RBPJ: variants seen among roughly 807,000 people sequenced by gnomAD.
RBPJ encodes the protein recombination signal binding protein for immunoglobulin kappa J region, also known as recombining binding protein suppressor of hairless.
A neutral mutation model predicts 67.8 loss-of-function variants in RBPJ; 9 were observed. The ratio of observed to expected loss-of-function variants is 0.13; its 90% CI spans 0.08 to 0.23. The LOEUF is 0.23. Ranked by LOEUF, RBPJ falls within the 10% of genes least tolerant of loss-of-function variation. RBPJ has a pLI of 1.00. For missense variants in RBPJ, 305 were observed against 595.6 expected, an observed-to-expected ratio of 0.51 and a Z score of 5.08; for synonymous variants, 198 against 203.3, an observed-to-expected ratio of 0.97 and a Z score of 0.22.
the RBPJ span, among the ~76,000 whole-genome samples, chr4:26,115,428 A>C: frequency 7.9e-4 from 120 of 151,682 alleles, no homozygotes; most frequent in African/African-American, 2.9e-3. Flanking sequence ...TCTGCAGCCC[A>C]GGCTGGAGTG....
chr4:26,246,472 T>A (rs921083155), intron 1 of RBPJ, among the ~76,000 whole-genome samples: 1 of 152,196 alleles, frequency 6.6e-6, no homozygotes, highest in African/African-American at 2.4e-5. Context: ...GAAGATATAA[T>A]TCACATTCCA....
intron 1 of RBPJ, among the ~76,000 whole-genome samples, chr4:26,244,792 A>C (rs1719871933): frequency 6.6e-6 from 1 of 151,768 alleles, no homozygotes; most frequent in South Asian, 2.1e-4. Flanking sequence ...AGGCCCACAC[A>C]CCCGGCTAAT....
chr4:26,401,339 G>A lies in RBPJ; in HGVS notation c.60-4836G>A, dbSNP rs145663373. On this transcript the variant is annotated intron_variant, in intron 2 of 10. Transcript: ENST00000355476. ...ATTTTGTCCTCACAAGCTAGGCTAC[G>A]CAGATTTGAATCCTCACTCTTCAGT... Among the ~76,000 whole-genome samples, 942 of 152,304 alleles carry A rather than the reference G, an allele frequency of 6.2e-3. 4 individuals are homozygous for A. Among genetic ancestry groups the A allele is most frequent in the South Asian group, 0.012 (60 of 4,830 alleles).
At chr4:26,333,222 G>A (rs1724441890) in intron 1 of RBPJ, among the ~76,000 whole-genome samples, 1 of 152,200 alleles carries the variant, frequency 6.6e-6, no homozygotes, top group African/African-American at 2.4e-5. Flanking sequence ...ATCCCCTGCG[G>A]ATACCAAGGA....
intron 1 of RBPJ, among the ~76,000 whole-genome samples, chr4:26,364,161 G>A (rs1728362876): frequency 6.6e-6 from 1 of 152,192 alleles, no homozygotes; most frequent in Non-Finnish European, 1.5e-5. Flanking sequence ...CACTGGTATA[G>A]TCCATGATTT....
chr4:26,416,990 A>C (rs1234271136), intron 4 of RBPJ, among the ~76,000 whole-genome samples: 1 of 152,228 alleles, frequency 6.6e-6, no homozygotes, highest in Non-Finnish European at 1.5e-5. Flanking sequence ...AACTATTTCT[A>C]AATTATGATC....
chr4:26,118,013 C>T, the RBPJ span, among the ~76,000 whole-genome samples: 1 of 151,856 alleles, frequency 6.6e-6, no homozygotes, highest in African/African-American at 2.4e-5. Flanking sequence ...TATATATCTC[C>T]ATATATATCT....
chr4:26,372,445 G>C (rs1301055773), intron 1 of RBPJ, among the ~76,000 whole-genome samples: 1 of 152,202 alleles, frequency 6.6e-6, no homozygotes, highest in East Asian at 1.9e-4. Flanking sequence ...ATTTGACGTA[G>C]GGCGATTGAC....
intron 1 of RBPJ, among the ~76,000 whole-genome samples, chr4:26,336,484 T>TGAAAC (rs1560275096): frequency 6.6e-6 from 1 of 151,720 alleles, no homozygotes; most frequent in African/African-American, 2.4e-5. Context: ...CCCCATCTCT[T>TGAAAC]AAAACAAAAC....
At position 26,361,048 on chromosome 4, in the gene RBPJ, A is replaced by AGTGTGTGTGTGTGT. The variant is rs771047801; in HGVS notation, c.21-25296_21-25295insTGTGTGTGTGTGTG. ...ACAATGTGATATCCTTTCAGGAGTG[A>AGTGTGTGTGTGTGT]GTGTGTGTGCGTGTGTGTGTGTGTG... On this transcript the variant is annotated intron_variant, in intron 1 of 10. Coordinates refer to ENST00000355476, the MANE Select transcript of RBPJ (RefSeq NM_015874.6). Among the ~76,000 whole-genome samples, 329 of 147,454 alleles carry AGTGTGTGTGTGTGT rather than the reference A, an allele frequency of 2.2e-3. 2 individuals are homozygous for AGTGTGTGTGTGTGT. The highest frequency in any genetic ancestry group is 0.014 in the Middle Eastern group (4 of 292).
chr4:26,385,369 T>G (rs1730807434), intron 1 of RBPJ, among the ~76,000 whole-genome samples: 4 of 152,090 alleles, frequency 2.6e-5, no homozygotes, highest in Admixed American at 2.0e-4. Context: ...CCTCAACAAC[T>G]CTTTGAGGTA....
At chr4:26,230,629 C>G (rs1303199630) in intron 1 of RBPJ, among the ~76,000 whole-genome samples, 1 of 152,244 alleles carries the variant, frequency 6.6e-6, no homozygotes, top group Non-Finnish European at 1.5e-5. Flanking sequence ...ACTGCCCACA[C>G]ATAGTTGCTT....
chr4:26,199,443 T>C (rs895499362), intron 1 of RBPJ, among the ~76,000 whole-genome samples: 1 of 152,122 alleles, frequency 6.6e-6, no homozygotes, highest in Admixed American at 6.5e-5. Context: ...ATAACAAGTA[T>C]TCACTAACAG....
At chr4:26,107,634 A>C in the RBPJ span, among the ~76,000 whole-genome samples, 1 of 152,266 alleles carries the variant, frequency 6.6e-6, no homozygotes, top group African/African-American at 2.4e-5. Flanking sequence ...GTGGGGGCTC[A>C]CAACTGTAAT....
At chr4:26,130,719 C>A in the RBPJ span, among the ~76,000 whole-genome samples, 911 of 152,248 alleles carry the variant, frequency 6.0e-3, 9 homozygotes, top group African/African-American at 0.021. Context: ...CCTTTACCAC[C>A]GTCACTCTGT....
chr4:26,180,671 G>A (rs919029102), intron 1 of RBPJ, among the ~76,000 whole-genome samples: 1 of 152,172 alleles, frequency 6.6e-6, no homozygotes, highest in Non-Finnish European at 1.5e-5. Context: ...CAATACCTTG[G>A]AGATTAGCAT....
the RBPJ span, among the ~76,000 whole-genome samples, chr4:26,157,111 A>AC: frequency 8.6e-4 from 128 of 149,242 alleles, 1 homozygote; most frequent in African/African-American, 2.9e-3. Flanking sequence ...AAACAAACAA[A>AC]CAAACAAAAA....
chr4:26,370,241 C>G (rs780645888), intron 1 of RBPJ, among the ~76,000 whole-genome samples: 4 of 152,000 alleles, frequency 2.6e-5, no homozygotes, highest in African/African-American at 4.8e-5. Context: ...AGAATGACTC[C>G]CTTTCAACTT....
chr4:26,357,125 A>G (rs554048935), intron 1 of RBPJ, among the ~76,000 whole-genome samples: 1 of 152,364 alleles, frequency 6.6e-6, no homozygotes, highest in East Asian at 1.9e-4. Flanking sequence ...TGTTTTGCTT[A>G]GAACTTTAAA....
Sources: allele counts gnomAD v4.1 joint callset (sites outside exome capture counted in the v4.1 genomes callset), GRCh38; gene constraint gnomAD v4.1.1; transcripts MANE v1.5; gene names NCBI Gene and HGNC (gene_info 2026-07-23, HGNC 2026-07-21).